ZNF140: variants seen among roughly 807,000 people sequenced by gnomAD.
ZNF140 encodes the protein zinc finger protein 140 (clone pHZ-39).
In ZNF140, 13 loss-of-function variants were observed where a neutral mutation model predicts 12.9. The observed-to-expected ratio is 1.01, with a 90% CI of 0.66 to 1.60. ZNF140 has a LOEUF of 1.60. ZNF140 is among the 40% of genes most tolerant of loss of function. The probability of loss-of-function intolerance (pLI) is 0.00; values close to 1 mark genes in which losing one functional copy is unlikely to be tolerated. For synonymous variants in ZNF140, 214 were observed against 186.7 expected (o/e 1.15, Z -1.19); for missense variants, 531 against 548.8 (o/e 0.97, Z 0.32).
chr12:133,104,354 A>ATT (rs34193332), intron 4 of ZNF140, among the ~76,000 whole-genome samples: 8,772 of 144,270 alleles, frequency 0.061, 394 homozygotes, highest in Non-Finnish European at 0.09. Context: ...TAAAGATACA[A>ATT]TTTTTTTTTT....
chr12:133,097,638 G>C (rs1234909965), intron 4 of ZNF140, among the ~76,000 whole-genome samples: 1 of 123,202 alleles, frequency 8.1e-6, no homozygotes, highest in African/African-American at 3.3e-5. Context: ...GCGAGACTCT[G>C]TCTCAAAAAA....
chr12:133,101,943 G>T (rs1955364340), intron 4 of ZNF140, among the ~76,000 whole-genome samples: 1 of 151,084 alleles, frequency 6.6e-6, no homozygotes, highest in Non-Finnish European at 1.5e-5. Flanking sequence ...TCTGATGCTT[G>T]TTCAGTCTGT....
At chr12:133,084,658 C>T (rs1954615509) in intron 4 of ZNF140, among the ~76,000 whole-genome samples, 2 of 152,174 alleles carry the variant, frequency 1.3e-5, no homozygotes, top group African/African-American at 4.8e-5. Context: ...ATAGTTGCTT[C>T]TATAGCACAT....
intron 4 of ZNF140, among the ~76,000 whole-genome samples, chr12:133,091,174 T>C (rs1276153232): frequency 6.7e-6 from 1 of 150,222 alleles, no homozygotes; most frequent in Non-Finnish European, 1.5e-5. Context: ...TTTCAGACTC[T>C]CACATTGGGA....
At chr12:133,089,356 G>A (rs1954780474) in intron 4 of ZNF140, among the ~76,000 whole-genome samples, 1 of 152,018 alleles carries the variant, frequency 6.6e-6, no homozygotes. Flanking sequence ...TGGGACTACA[G>A]GTGCGCTCCA....
chr12:133,102,968 CATT>C (rs34472442), intron 4 of ZNF140, among the ~76,000 whole-genome samples: 12,655 of 152,078 alleles, frequency 0.083, 908 homozygotes, highest in African/African-American at 0.2. Flanking sequence ...TTTTTACTCT[CATT>C]GTTGTGAGAA....
Position 133,105,999 on chromosome 12 carries a change from G to C in ZNF140, c.722G>C (p.Gly241Ala), listed in dbSNP as rs749048948. 1.2e-6 allele frequency: 2 copies of C among 1,614,048 alleles called. No homozygotes were observed. The highest frequency in any genetic ancestry group is 1.7e-6 in the Non-Finnish European group (2 of 1,180,024). The change falls in exon 5 of 5, where the codon GGG (glycine) becomes GCG (alanine). Residue 241 changes from glycine (G) to alanine (A), a missense_variant. Transcript: ENST00000355557. ...FLIEHQRTHT[G>A]EKPYECTECG... ...ATTGAACACCAGAGAACGCACACTG[G>C]GGAGAAACCTTATGAATGTACTGAG... is the stretch of plus-strand genomic sequence containing the variant.
At chr12:133,085,012 C>T (rs1954628214) in intron 4 of ZNF140, among the ~76,000 whole-genome samples, 2 of 151,938 alleles carry the variant, frequency 1.3e-5, no homozygotes, top group South Asian at 4.1e-4. Context: ...TGGAAGTTGC[C>T]TCTAATTCTA....
At chr12:133,089,563 T>A (rs1036000646) in intron 4 of ZNF140, among the ~76,000 whole-genome samples, 2 of 152,142 alleles carry the variant, frequency 1.3e-5, no homozygotes, top group African/African-American at 4.8e-5. Flanking sequence ...GTTTCCTCCT[T>A]ATTGTGTGAG....
intron 4 of ZNF140, among the ~76,000 whole-genome samples, chr12:133,096,039 G>A (rs1167708102): frequency 1.1e-4 from 16 of 151,024 alleles, no homozygotes; most frequent in South Asian, 2.1e-4. Flanking sequence ...CCTCAGCACA[G>A]ACCCTTTATG....
chr12:133,100,271 G>A (rs1407835688), intron 4 of ZNF140, among the ~76,000 whole-genome samples: 3 of 142,434 alleles, frequency 2.1e-5, no homozygotes, highest in African/African-American at 5.3e-5. Context: ...GGGCTTAAGC[G>A]ATCCTTTCAC....
intron 4 of ZNF140, among the ~76,000 whole-genome samples, chr12:133,087,173 G>A (rs1954703391): frequency 6.6e-6 from 1 of 152,050 alleles, no homozygotes; most frequent in Admixed American, 6.6e-5. Context: ...AAGGGAGGTA[G>A]ACAGATTGGA....
At chr12:133,098,971 G>C (rs951440297) in intron 4 of ZNF140, among the ~76,000 whole-genome samples, 3 of 151,272 alleles carry the variant, frequency 2.0e-5, no homozygotes, top group Non-Finnish European at 4.4e-5. Context: ...CGCCTCCTGG[G>C]TTTAAGCGAT....
intron 4 of ZNF140, among the ~76,000 whole-genome samples, chr12:133,086,778 C>G (rs1954690722): frequency 6.6e-6 from 1 of 152,134 alleles, no homozygotes; most frequent in Non-Finnish European, 1.5e-5. Context: ...ACTTATTTTG[C>G]CATTCACATT....
rs867876972 is a variant in ZNF140 at position 133,081,407 on chromosome 12, T to G, written c.9+78T>G. 1,176 of 252,498 alleles carry G rather than the reference T, an allele frequency of 4.7e-3. 9 individuals are homozygous for G. Among genetic ancestry groups the G allele is most frequent in the African/African-American group, 0.027 (1,116 of 40,918 alleles). The allele number at this position is 252,498 out of a possible 1,614,324, so 15.6% of individuals were successfully genotyped here. The stretch of plus-strand genomic sequence containing the variant: ...TTTTTTTTAAGAGAGAGACAGGGTC[T>G]CCTCCTGTCGCCCAGGCAGTGGAGC... On this transcript the variant is annotated intron_variant, in intron 2 of 4. Transcript: ENST00000355557.
intron 4 of ZNF140, among the ~76,000 whole-genome samples, chr12:133,102,758 A>G (rs1030348881): frequency 2.0e-5 from 3 of 149,596 alleles, no homozygotes; most frequent in African/African-American, 2.4e-5. Context: ...CTTAAAAAAA[A>G]AAAAAAGAAA....
rs73425965 is a variant in ZNF140, at chr12:133,089,600, A to G, written c.232+6039A>G. ...TTTAGCAATGTATGTCTTTCAAGGA[A>G]TTGGACCATTTTAGCTATGTTATCA... On this transcript the variant is annotated intron_variant, in intron 4 of 4. Coordinates refer to ENST00000355557, the MANE Select transcript of ZNF140 (RefSeq NM_003440.4). 4.0e-3 allele frequency among the ~76,000 whole-genome samples: 613 copies of G among 152,288 alleles called. 4 individuals are homozygous for G. Among genetic ancestry groups the G allele is most frequent in the African/African-American group, 0.014 (591 of 41,554 alleles).
At chr12:133,101,385 G>A (rs911896377) in intron 4 of ZNF140, among the ~76,000 whole-genome samples, 1 of 149,054 alleles carries the variant, frequency 6.7e-6, no homozygotes, top group Non-Finnish European at 1.5e-5. Flanking sequence ...AGTTTTGGAC[G>A]TTTCTATTGA....
rs1236066013 is a variant in ZNF140 at position 133,105,699 on chromosome 12, C to T, written c.422C>T (p.Thr141Ile). The change falls in exon 5 of 5, where the codon ACA (threonine) becomes ATA (isoleucine). Residue 141 changes from threonine to isoleucine, a missense_variant. Physicochemically the swap from Thr to Ile is moderately conservative, Grantham distance 89. Transcript: ENST00000355557. ...QENQGCIRKV[T>I]VSHQEALAQH... ...AATCAGGGATGTATTAGGAAAGTAA[C>T]AGTCTCTCATCAAGAAGCCCTGGCT... is the stretch of plus-strand genomic sequence containing the variant. 6.2e-7 allele frequency: 1 copy of T among 1,614,152 alleles called. No individual in the cohort carries two copies. Among genetic ancestry groups the T allele is most frequent in the East Asian group, 2.2e-5 (1 of 44,878 alleles).
Sources: gnomAD v4.1 joint callset for allele counts (sites outside exome capture counted in the v4.1 genomes callset) on GRCh38, gnomAD v4.1.1 for gene constraint, MANE v1.5 for transcripts, NCBI Gene and HGNC (gene_info 2026-07-23, HGNC 2026-07-21) for gene names.